The following LSM14A variants were observed in gnomAD, a reference collection of about 807,000 sequenced individuals.
The protein encoded by LSM14A is protein LSM14 homolog A.
A neutral mutation model predicts 52.4 loss-of-function variants in LSM14A; 14 were observed. The ratio of observed to expected loss-of-function variants is 0.27; its 90% CI spans 0.18 to 0.42. The LOEUF is 0.42. LSM14A is among the 10% of genes least tolerant of loss of function. LSM14A has a pLI of 1.00. For synonymous variants in LSM14A, 185 were observed against 200.3 expected (o/e 0.92, Z 0.64); for missense variants, 417 against 581.8 (o/e 0.72, Z 2.91).
intron 4 of LSM14A, among the ~76,000 whole-genome samples, chr19:34,212,459 A>G (rs1193466048): frequency 6.6e-6 from 1 of 152,238 alleles, no homozygotes; most frequent in Non-Finnish European, 1.5e-5. Flanking sequence ...GCACCAAAAA[A>G]TATATAAATT....
At position 34,196,780 on chromosome 19, in the gene LSM14A, TTTTC is replaced by T. The variant is rs1221752170; in HGVS notation, c.415+21_415+24del. ...TTGGTGTTGGTATGTTTTCTTTTTC[TTTTC>T]TTTTTTTGTTTTTGTATTCTTCCTT... On this transcript the variant is annotated intron_variant, in intron 3 of 9. Coordinates refer to ENST00000544216, the MANE Select transcript of LSM14A (RefSeq NM_015578.4). 2.5e-6 allele frequency: 4 copies of T among 1,587,728 alleles called. No homozygotes were observed. The highest frequency in any genetic ancestry group is 3.4e-6 in the Non-Finnish European group (4 of 1,172,826).
rs76172307 is a variant in LSM14A, at chr19:34,194,739, T to G, written c.285+98T>G. 3.7e-3 allele frequency: 4,100 copies of G among 1,107,370 alleles called. 102 individuals carry two copies. In the African/African-American group the frequency reaches 0.057, roughly 15 times the overall value. 68.6% of individuals were successfully genotyped at this position (1,107,370 alleles called of 1,614,324 possible). A position where few individuals can be genotyped will look rare whatever the true frequency, so the allele number is the denominator to read the frequency against. ...AGTTGAATGTTCATGTAGCTTATCATTTCCAAGTTACTGGGATACCTGAAA... is the reference window on the plus strand; with the variant it reads ...AGTTGAATGTTCATGTAGCTTATCAGTTCCAAGTTACTGGGATACCTGAAA... On this transcript the variant is annotated intron_variant, in intron 2 of 9. Coordinates refer to ENST00000544216, the MANE Select transcript of LSM14A (RefSeq NM_015578.4).
chr19:34,197,076 C>CT (rs954608646), intron 3 of LSM14A, among the ~76,000 whole-genome samples: 2 of 151,662 alleles, frequency 1.3e-5, no homozygotes, highest in Non-Finnish European at 2.9e-5. Flanking sequence ...TCTACCAAAT[C>CT]TTATTGGTAA....
chr19:34,203,906 A>C (rs1358320158), intron 3 of LSM14A, among the ~76,000 whole-genome samples: 1 of 144,782 alleles, frequency 6.9e-6, no homozygotes, highest in Non-Finnish European at 1.5e-5. Context: ...ACTGAATTTA[A>C]AAAAAAAAAA....
Position 34,221,592 on chromosome 19 carries a change from G to T in LSM14A, c.1222G>T (p.Gly408Ter). 6.2e-7 allele frequency: 1 copy of T among 1,614,156 alleles called. No homozygotes were observed. The highest frequency in any genetic ancestry group is 8.5e-7 in the Non-Finnish European group (1 of 1,180,036). The change falls in exon 9 of 10, where the codon GGA (glycine) becomes TGA (stop). Residue 408 changes from glycine (G) to a stop codon, truncating the protein, a stop_gained. Coordinates refer to ENST00000544216, the MANE Select transcript of LSM14A (RefSeq NM_015578.4). LOFTEE classifies it high-confidence loss of function. ...ACTTCGTCCAAACCGTGGCCGTGGG[G>T]GATACAGAGGCAGAGGAGGTCTTGG... The part of the protein sequence containing the change: ...IPLRPNRGRG[G>*]YRGRGGLGFR...
At chr19:34,219,904 C>G (rs2072934884) in intron 8 of LSM14A, 27 bp downstream of exon 8, 1 of 1,485,552 alleles carries the variant, frequency 6.7e-7, no homozygotes, top group Non-Finnish European at 9.3e-7. Flanking sequence ...GTTCTTTTAT[C>G]TTATGATATT....
In LSM14A at chr19:34,228,651, G is replaced by T. The variant is rs957297825; in HGVS notation, c.*1263G>T. 1 of 152,558 alleles carries T rather than the reference G, an allele frequency of 6.6e-6. No homozygotes were observed. The highest frequency in any genetic ancestry group is 2.4e-5 in the African/African-American group (1 of 41,434). The allele number at this position is 152,558 out of a possible 1,614,324, so 9.5% of individuals were successfully genotyped here. ...AATCTTTTTGATATTTTAAGCTCTA[G>T]TGGGAAAAATCTGGCCACTTTTGTG... On this transcript the variant is annotated 3_prime_UTR_variant, in exon 10 of 10. Transcript: ENST00000544216.
Position 34,183,416 on chromosome 19 carries a change from T to C in LSM14A, c.121+10653T>C, listed in dbSNP as rs192463007. On this transcript the variant is annotated intron_variant, in intron 1 of 9. Transcript: ENST00000544216. ...AAATACAAAAATTAGCCAGTCGTGG[T>C]GTTGTGCACCTGTAATCCCAGCTAC... Among the ~76,000 whole-genome samples the C allele has an allele frequency of 3.2e-4, 49 of 152,144 alleles. No individual in the cohort carries two copies. The East Asian group carries it at 7.7e-3, about 24-fold the overall frequency.
rs750589140 is a variant in LSM14A, at chr19:34,219,883, GT to G, written c.1136+11del. On this transcript the variant is annotated splice_region_variant and intron_variant, in intron 8 of 9. Transcript: ENST00000544216. ...ATTTCTTGTGATGACAATAGGTACA[GT>G]TTTTAAGCTGTTCTTTTATCTTATG... is the stretch of plus-strand genomic sequence containing the variant. 6.3e-7 allele frequency: 1 copy of G among 1,585,328 alleles called. No homozygotes were observed. The highest frequency in any genetic ancestry group is 1.1e-5 in the South Asian group (1 of 88,136).
chr19:34,198,385 G>T (rs575552949), intron 3 of LSM14A, among the ~76,000 whole-genome samples: 1 of 152,186 alleles, frequency 6.6e-6, no homozygotes, highest in Admixed American at 6.6e-5. Context: ...GGGAGGCTGT[G>T]GGCGGATCAC....
chr19:34,206,801 C>G (rs2071736164), intron 3 of LSM14A, among the ~76,000 whole-genome samples: 1 of 152,106 alleles, frequency 6.6e-6, no homozygotes, highest in Non-Finnish European at 1.5e-5. Context: ...ATCATTGTCC[C>G]CCATGAACAT....
At chr19:34,206,257 G>C (rs2071687814) in intron 3 of LSM14A, among the ~76,000 whole-genome samples, 1 of 152,156 alleles carries the variant, frequency 6.6e-6, no homozygotes, top group Non-Finnish European at 1.5e-5. Context: ...TGTAGTCCCA[G>C]TAACTCAGGA....
At chr19:34,178,740 A>C (rs1473383910) in intron 1 of LSM14A, among the ~76,000 whole-genome samples, 1 of 152,248 alleles carries the variant, frequency 6.6e-6, no homozygotes, top group Non-Finnish European at 1.5e-5. Flanking sequence ...CCATGTTCAC[A>C]ATTGCATTTC....
At chr19:34,207,171 G>A (rs1344910967) in intron 3 of LSM14A, among the ~76,000 whole-genome samples, 1 of 152,056 alleles carries the variant, frequency 6.6e-6, no homozygotes, top group African/African-American at 2.4e-5. Context: ...TAGAGCGAGG[G>A]GGGTGTGGCA....
chr19:34,174,886 C>T (rs182260850), intron 1 of LSM14A, among the ~76,000 whole-genome samples: 1 of 152,136 alleles, frequency 6.6e-6, no homozygotes, highest in African/African-American at 2.4e-5. Flanking sequence ...GGCTGTGTTA[C>T]CTTTATTCCT....
Position 34,221,684 on chromosome 19 carries a change from C to T in LSM14A, c.1314C>T (p.Arg438=), listed in dbSNP as rs764412196. 38 of 1,613,844 alleles carry T rather than the reference C, an allele frequency of 2.4e-5. No individual in the cohort carries two copies. Among genetic ancestry groups the T allele is most frequent in the East Asian group, 8.9e-5 (4 of 44,888 alleles). The change falls in exon 9 of 10, where the codon CGC becomes CGT. Residue 438 remains arginine (R), a synonymous_variant. Coordinates refer to ENST00000544216, the MANE Select transcript of LSM14A (RefSeq NM_015578.4). ...GGTFTAPRGF[R]GGFRGGRGGR... is the part of the protein sequence containing the mutation. ...CCTTCACTGCCCCTCGAGGATTTCG[C>T]GGTGGATTCAGAGGAGGTCGTGGGG...
At chr19:34,219,224 T>G (rs1243302065) in intron 6 of LSM14A, among the ~76,000 whole-genome samples, 167 bp from the exon 7 acceptor site, 1 of 152,204 alleles carries the variant, frequency 6.6e-6, no homozygotes, top group Non-Finnish European at 1.5e-5. Flanking sequence ...TTAGTGAAAC[T>G]TAATTTTTTA....
At chr19:34,197,425 CTTTTTCTTT>C (rs2070930337) in intron 3 of LSM14A, among the ~76,000 whole-genome samples, 2 of 110,016 alleles carry the variant, frequency 1.8e-5, no homozygotes, top group African/African-American at 6.8e-5. Context: ...TTTTTAATTT[CTTTTTCTTT>C]TTTTTTTTTT....
At chr19:34,209,562 T>A (rs1364631735) in intron 4 of LSM14A, among the ~76,000 whole-genome samples, 1 of 152,184 alleles carries the variant, frequency 6.6e-6, no homozygotes, top group East Asian at 1.9e-4. Context: ...GCCTGAGGAT[T>A]TATATTTTAA....
Sources: allele counts gnomAD v4.1 joint callset (sites outside exome capture counted in the v4.1 genomes callset), GRCh38; gene constraint gnomAD v4.1.1; transcripts MANE v1.5; gene names NCBI Gene and HGNC (gene_info 2026-07-23, HGNC 2026-07-21).